CAND2: variants seen among roughly 807,000 people sequenced by gnomAD.
CAND2 encodes the protein cullin associated and neddylation dissociated 2 (putative).
CAND2 carries 62 observed loss-of-function variants against 98.9 expected under a neutral mutation model. The ratio of observed to expected loss-of-function variants is 0.63; its 90% CI spans 0.51 to 0.77. CAND2 has a LOEUF of 0.77. Ranked by LOEUF, CAND2 falls within the 30% of genes least tolerant of loss-of-function variation. The pLI, the probability that CAND2 is intolerant of heterozygous loss-of-function variation, is 0.00. For synonymous variants in CAND2, 770 were observed against 731.9 expected, an observed-to-expected ratio of 1.05 and a Z score of -0.84; for missense variants, 1,501 against 1,655.2, an observed-to-expected ratio of 0.91 and a Z score of 1.62.
At chr3:12,810,689 A>G (rs1000300696) in intron 5 of CAND2, among the ~76,000 whole-genome samples, 1 of 152,256 alleles carries the variant, frequency 6.6e-6, no homozygotes, top group African/African-American at 2.4e-5. Flanking sequence ...ATTTTAAGTC[A>G]TGCCACTAAA....
At chr3:12,822,298 CTTT>C (rs532826939) in intron 11 of CAND2, among the ~76,000 whole-genome samples, 1 of 131,996 alleles carries the variant, frequency 7.6e-6, no homozygotes, top group Non-Finnish European at 1.6e-5. Flanking sequence ...ATGTTTCAAT[CTTT>C]TTTTTTTTTT....
chr3:12,817,090 A>G lies in CAND2; in HGVS notation c.2158A>G (p.Thr720Ala). The G allele has an allele frequency of 2.5e-6, 4 of 1,612,898 alleles. No homozygotes were observed. The highest frequency in any genetic ancestry group is 3.4e-6 in the Non-Finnish European group (4 of 1,179,972). The change falls in exon 10 of 15, where the codon ACA becomes GCA. Residue 720 changes from threonine (T) to alanine (A), a missense_variant. Coordinates refer to ENST00000456430, the MANE Select transcript of CAND2 (RefSeq NM_001162499.2). ...VAQLAVDFLATVTQAQPASLV... is the reference protein window; with the variant it reads ...VAQLAVDFLAAVTQAQPASLV... ...CCAGCTGGCTGTGGACTTCCTTGCC[A>G]CAGTGACCCAGGCCCAGCCAGCCTC...
At chr3:12,830,355 G>A (rs142105998) in intron 13 of CAND2, among the ~76,000 whole-genome samples, 319 of 152,342 alleles carry the variant, frequency 2.1e-3, no homozygotes, top group Middle Eastern at 6.8e-3. Context: ...ACAGGGTTCC[G>A]GGAGGCTCCA....
In CAND2 at chr3:12,825,509, T is replaced by C. The variant is rs1316689845; in HGVS notation, c.3080T>C (p.Val1027Ala). ...MESLQDPDLN[V>A]RRATLAFFNS... The stretch of plus-strand genomic sequence containing the variant: ...AGCCTGCAGGACCCAGACCTGAACG[T>C]GCGCCGTGCGACTCTGGCTTTCTTC... Residue 1027 changes from valine (V) to alanine (A), a missense_variant, in exon 12 of 15, where the codon GTG becomes GCG. Coordinates refer to ENST00000456430, the MANE Select transcript of CAND2 (RefSeq NM_001162499.2). The C allele has an allele frequency of 1.3e-6, 2 of 1,578,840 alleles. No individual in the cohort carries two copies.
In CAND2 at chr3:12,834,529, G is replaced by C. The variant is rs1292605996; in HGVS notation, c.*547G>C. On this transcript the variant is annotated 3_prime_UTR_variant, in exon 15 of 15. Transcript: ENST00000456430. ...AATCAGAAATTTGGAAGATGATACG[G>C]GTTTCTTTTTTCCAGGGAGGAGGAA... 1 of 154,814 alleles carries C rather than the reference G, an allele frequency of 6.5e-6. No homozygotes were observed. The highest frequency in any genetic ancestry group is 2.4e-5 in the African/African-American group (1 of 41,476). The allele number at this position is 154,814 out of a possible 1,614,324, so 9.6% of individuals were successfully genotyped here.
At chr3:12,807,557 G>T in intron 3 of CAND2, 97 bp downstream of exon 3, 6 of 1,272,422 alleles carry the variant, frequency 4.7e-6, no homozygotes, top group South Asian at 1.5e-5. Flanking sequence ...GAGGCTCAGA[G>T]AGTTGAAGAG....
At chr3:12,821,264 GT>G (rs1408822329) in intron 11 of CAND2, among the ~76,000 whole-genome samples, 5 of 151,894 alleles carry the variant, frequency 3.3e-5, no homozygotes, top group Non-Finnish European at 5.9e-5. Flanking sequence ...GTTGGGCATG[GT>G]GGTGGGCACC....
intron 2 of CAND2, among the ~76,000 whole-genome samples, chr3:12,804,319 C>A (rs575278045): frequency 6.6e-6 from 1 of 151,912 alleles, no homozygotes; most frequent in Admixed American, 6.6e-5. Flanking sequence ...AAAAAGTTGC[C>A]GGGCATGGTG....
At position 12,833,773 on chromosome 3, in the gene CAND2, AAGC is replaced by A. The variant is rs770606149; in HGVS notation, c.3505_3507del (p.Gln1169del). 1.2e-6 allele frequency: 2 copies of A among 1,614,072 alleles called. No homozygotes were observed. The highest frequency in any genetic ancestry group is 1.7e-5 in the Admixed American group (1 of 60,028). On this transcript the variant is annotated inframe_deletion, in exon 15 of 15. Coordinates refer to ENST00000456430, the MANE Select transcript of CAND2 (RefSeq NM_001162499.2). Reference sequence around the variant, plus strand: ...ACTTTAGGTCAAAGCTGGTTCTGTGAAGCAGGAGTTTGAAAAGCAAGATGAACT... The same window carrying A: ...ACTTTAGGTCAAAGCTGGTTCTGTGAAGGAGTTTGAAAAGCAAGATGAACT...
chr3:12,831,624 T>TGAG (rs2062054628), intron 14 of CAND2, 52 bp downstream of exon 14: 1 of 996,100 alleles, frequency 1.0e-6, no homozygotes, highest in African/African-American at 1.9e-5. Context: ...TATGGAGTCC[T>TGAG]CGGCCAGTCG....
Position 12,810,246 on chromosome 3 carries a change from G to A in CAND2, c.679G>A (p.Val227Met). Residue 227 changes from valine (V) to methionine (M), a missense_variant, in exon 5 of 15, where the codon GTG (valine) becomes ATG (methionine). By Grantham distance (21) the Val-to-Met change is conservative (BLOSUM62 1). Transcript: ENST00000456430. Reference sequence around the variant, plus strand: ...ACTGGACCGGCTGCCCGGCCCGCGGGTGCCCACCAGCCCGACTGCCATCCG... The same window carrying A: ...ACTGGACCGGCTGCCCGGCCCGCGGATGCCCACCAGCCCGACTGCCATCCG... ...HLLDRLPGPR[V>M]PTSPTAIRTL... The A allele has an allele frequency of 6.6e-7, 1 of 1,526,384 alleles. No individual in the cohort carries two copies. The highest frequency in any genetic ancestry group is 1.9e-4 in the Middle Eastern group (1 of 5,350). The allele number at this position is 1,526,384 out of a possible 1,614,324, so 94.6% of individuals were successfully genotyped here. A position where few individuals can be genotyped will look rare whatever the true frequency, so the allele number is the denominator to read the frequency against.
chr3:12,822,010 C>T (rs541341774), intron 11 of CAND2, among the ~76,000 whole-genome samples: 1 of 152,212 alleles, frequency 6.6e-6, no homozygotes, highest in South Asian at 2.1e-4. Flanking sequence ...TTTTTGCCCA[C>T]TAGGTTTAGC....
At chr3:12,813,421 G>T (rs778159500) in intron 7 of CAND2, 33 bp downstream of exon 7, 2 of 1,601,118 alleles carry the variant, frequency 1.2e-6, no homozygotes, top group Non-Finnish European at 1.7e-6. Context: ...GGGTTGGAGG[G>T]TGGAGGTGAA....
intron 11 of CAND2, among the ~76,000 whole-genome samples, chr3:12,823,787 C>T (rs1042341404): frequency 2.6e-5 from 4 of 151,254 alleles, no homozygotes; most frequent in African/African-American, 9.7e-5. Context: ...ATCCCAGCTA[C>T]CTGGGAGGCT....
intron 7 of CAND2, 141 bp downstream of exon 7, chr3:12,813,529 T>C: frequency 2.7e-6 from 2 of 740,008 alleles, no homozygotes; most frequent in Non-Finnish European, 4.4e-6. Context: ...CCACCCGCTG[T>C]GACTGCACAG....
chr3:12,811,774 G>T (rs912790524), intron 5 of CAND2, among the ~76,000 whole-genome samples: 7 of 152,168 alleles, frequency 4.6e-5, no homozygotes, highest in Non-Finnish European at 1.0e-4. Context: ...GTTTAACTAT[G>T]TTGGTTGGCC....
At chr3:12,816,259 G>A in intron 9 of CAND2, 115 bp from the exon 10 acceptor site, 1 of 1,079,756 alleles carries the variant, frequency 9.3e-7, no homozygotes, top group South Asian at 1.5e-5. Context: ...TTCTGCAGAA[G>A]AGTTTAGGTG....
intron 1 of CAND2, among the ~76,000 whole-genome samples, chr3:12,803,248 T>G (rs906810843): frequency 6.6e-6 from 1 of 152,162 alleles, no homozygotes; most frequent in Admixed American, 6.5e-5. Context: ...CACCTCGGCC[T>G]CCCAAAGTGC....
chr3:12,801,763 C>T (rs1448097054), intron 1 of CAND2, among the ~76,000 whole-genome samples: 3 of 152,236 alleles, frequency 2.0e-5, no homozygotes, highest in African/African-American at 7.2e-5. Context: ...TGGTCCCTGA[C>T]CCTCAGTGTC....
Sources: allele counts gnomAD v4.1 joint callset (sites outside exome capture counted in the v4.1 genomes callset), GRCh38; gene constraint gnomAD v4.1.1; transcripts MANE v1.5; gene names NCBI Gene and HGNC (gene_info 2026-07-23, HGNC 2026-07-21).